Variants in PTCHD1 observed in about 807,000 individuals in gnomAD.
PTCHD1 encodes the protein patched domain containing 1.
Under a neutral mutation model 34.6 loss-of-function variants are expected in PTCHD1, and 3 were observed. The observed-to-expected ratio is 0.09, with a 90% CI of 0.04 to 0.22. The LOEUF (loss-of-function observed/expected upper bound fraction) is 0.22, where lower values mean the gene tolerates loss of function less well. Ranked by LOEUF, PTCHD1 falls within the 10% of genes least tolerant of loss-of-function variation. The pLI, the probability that PTCHD1 is intolerant of heterozygous loss-of-function variation, is 1.00. For synonymous variants in PTCHD1, 305 were observed against 283.1 expected, an observed-to-expected ratio of 1.08 and a Z score of -0.77; for missense variants, 504 against 685.5, an observed-to-expected ratio of 0.74 and a Z score of 2.96.
intron 2 of PTCHD1, among the ~76,000 whole-genome samples, chrX:23,386,087 A>T (rs1922680795): frequency 1.8e-5 from 2 of 111,292 alleles, no homozygotes; most frequent in Admixed American, 1.9e-4. Context: ...TTTGAATAGG[A>T]TATGCCATAT....
In PTCHD1 at chrX:23,379,947, T is replaced by C. The variant is rs1183406861; in HGVS notation, c.708T>C (p.Thr236=). The change falls in exon 2 of 3, where the codon ACT becomes ACC. Residue 236 remains threonine, a synonymous_variant. Transcript: ENST00000379361. ...AERWESSFCD[T]VRLFQKSNSK... ...GGTGGGAGTCCAGCTTCTGCGACACTGTCAGACTGTTTCAGAAATCCAACA... is the reference window on the plus strand; with the variant it reads ...GGTGGGAGTCCAGCTTCTGCGACACCGTCAGACTGTTTCAGAAATCCAACA... The C allele has an allele frequency of 9.9e-6, 12 of 1,211,974 alleles. No homozygotes were observed. The highest frequency in any genetic ancestry group is 1.0e-5 in the Non-Finnish European group (9 of 895,516).
At chrX:23,359,116 G>A in intron 1 of PTCHD1, among the ~76,000 whole-genome samples, 1 of 112,377 alleles carries the variant, frequency 8.9e-6, no homozygotes, top group Non-Finnish European at 1.9e-5. Flanking sequence ...GCTTAGGATT[G>A]ACTTGGCAAT....
At chrX:23,339,255 A>G (rs1371877047) in intron 1 of PTCHD1, among the ~76,000 whole-genome samples, 1 of 112,545 alleles carries the variant, frequency 8.9e-6, no homozygotes, top group Non-Finnish European at 1.9e-5. Context: ...ACAGACAGTT[A>G]CTAGGATTCT....
Position 23,392,983 on chromosome X carries a change from C to T in PTCHD1, c.1465C>T (p.Arg489Cys). 1 of 1,210,956 alleles carries T rather than the reference C, an allele frequency of 8.3e-7. No homozygotes were observed. Among genetic ancestry groups the T allele is most frequent in the Non-Finnish European group, 1.1e-6 (1 of 894,595 alleles). ...ESHLLVCFLK[R>C]YYCDWITNTY... The stretch of plus-strand genomic sequence containing the variant: ...TCACCTATTGGTATGTTTCCTCAAA[C>T]GCTATTACTGTGACTGGATAACCAA... The change falls in exon 3 of 3, where the codon CGC (arginine) becomes TGC (cysteine). Residue 489 changes from arginine (R) to cysteine (C), a missense_variant. Transcript: ENST00000379361.
At chrX:23,354,836 G>A (rs927138165) in intron 1 of PTCHD1, among the ~76,000 whole-genome samples, 2 of 109,261 alleles carry the variant, frequency 1.8e-5, no homozygotes, top group Non-Finnish European at 3.8e-5. Context: ...CTCCCAAAGT[G>A]CTGGGATTAT....
intron 1 of PTCHD1, among the ~76,000 whole-genome samples, chrX:23,365,949 A>C (rs1340652811): frequency 8.9e-6 from 1 of 112,243 alleles, no homozygotes; most frequent in Non-Finnish European, 1.9e-5. Flanking sequence ...GAAAAGCCAC[A>C]CATCAGCTAA....
intron 2 of PTCHD1, among the ~76,000 whole-genome samples, chrX:23,391,884 T>A (rs1922837419): frequency 9.1e-6 from 1 of 110,493 alleles, no homozygotes; most frequent in Admixed American, 9.6e-5. Context: ...AGAGTCAGGG[T>A]CTTGCCCTGT....
intron 1 of PTCHD1, among the ~76,000 whole-genome samples, chrX:23,351,931 G>A (rs1370895303): frequency 1.8e-5 from 2 of 112,107 alleles, no homozygotes; most frequent in African/African-American, 3.2e-5. Context: ...GCAGAAGGTG[G>A]AAAGGACATG....
At chrX:23,368,502 T>C (rs113400079) in intron 1 of PTCHD1, among the ~76,000 whole-genome samples, 5 of 111,819 alleles carry the variant, frequency 4.5e-5, no homozygotes, top group African/African-American at 1.6e-4. Flanking sequence ...ATCTTTGTTG[T>C]GCTCCTTTTA....
intron 1 of PTCHD1, among the ~76,000 whole-genome samples, chrX:23,347,158 AG>A (rs1471983272): frequency 9.0e-6 from 1 of 111,661 alleles, no homozygotes; most frequent in African/African-American, 3.3e-5. Context: ...GAGAGTCAAC[AG>A]GGGTCAGGGA....
rs1015133280 is a variant in PTCHD1 at position 23,334,954 on chromosome X, T to G, written c.79T>G (p.Phe27Val). The G allele has an allele frequency of 1.7e-5, 20 of 1,206,427 alleles. No homozygotes were observed. The highest frequency in any genetic ancestry group is 2.2e-5 in the Non-Finnish European group (20 of 893,670). ...CCACTTCATTGCCAGTCACCCTGTC[T>G]TCTTCGCCTCGGCGCCGGTGCTCAT... The part of the protein sequence containing the change: ...LGHFIASHPV[F>V]FASAPVLISI... The change falls in exon 1 of 3, where the codon TTC (phenylalanine) becomes GTC (valine). Residue 27 changes from phenylalanine (F) to valine (V), a missense_variant. By Grantham distance (50) the Phe-to-Val change is conservative. Coordinates refer to ENST00000379361, the MANE Select transcript of PTCHD1 (RefSeq NM_173495.3).
At chrX:23,376,338 A>G (rs1174136381) in intron 1 of PTCHD1, among the ~76,000 whole-genome samples, 1 of 112,169 alleles carries the variant, frequency 8.9e-6, no homozygotes, top group African/African-American at 3.2e-5. Context: ...AGCGTCTCTT[A>G]CCTAGTTCAA....
chrX:23,366,543 G>T (rs868585147), intron 1 of PTCHD1, among the ~76,000 whole-genome samples: 3 of 111,446 alleles, frequency 2.7e-5, no homozygotes, highest in African/African-American at 9.8e-5. Flanking sequence ...CCAGTTCCAC[G>T]CCCTGAGCCA....
At chrX:23,361,860 C>T (rs1032044755) in intron 1 of PTCHD1, among the ~76,000 whole-genome samples, 1 of 111,744 alleles carries the variant, frequency 8.9e-6, no homozygotes, top group Non-Finnish European at 1.9e-5. Context: ...AACAAAATCT[C>T]TCGGCATTTG....
upstream of PTCHD1, chrX:23,334,788 G>A: frequency 6.8e-6 from 2 of 292,016 alleles, no homozygotes; most frequent in Non-Finnish European, 8.6e-6. Context: ...GGGCGCCGCT[G>A]CCGCCGCCGC....
intron 2 of PTCHD1, among the ~76,000 whole-genome samples, chrX:23,386,875 C>A (rs1436181918): frequency 8.9e-6 from 1 of 112,568 alleles, no homozygotes; most frequent in African/African-American, 3.2e-5. Context: ...CATCAATCAG[C>A]AAGCCATCCC....
chrX:23,388,726 G>C (rs933232212), intron 2 of PTCHD1, among the ~76,000 whole-genome samples: 2 of 112,044 alleles, frequency 1.8e-5, no homozygotes, highest in African/African-American at 6.5e-5. Flanking sequence ...AGCTACCCAG[G>C]AGGCTGAGGC....
In PTCHD1 at chrX:23,394,409, G is replaced by C. The variant is rs769642538; in HGVS notation, c.*224G>C. ...TGTTATGAGAATTCACACACACATA[G>C]ACACACACACACACACACACACACA... On this transcript the variant is annotated 3_prime_UTR_variant, in exon 3 of 3. Transcript: ENST00000379361. 339 of 200,193 alleles carry C rather than the reference G, an allele frequency of 1.7e-3. 3 individuals carry two copies. The highest frequency in any genetic ancestry group is 8.7e-3 in the African/African-American group (238 of 27,351). 16.5% of individuals were successfully genotyped at this position (200,193 alleles called of 1,213,427 possible). A position where few individuals can be genotyped will look rare whatever the true frequency, so the allele number is the denominator to read the frequency against.
At chrX:23,342,266 CTATATATATATA>C (rs1194698667) in intron 1 of PTCHD1, among the ~76,000 whole-genome samples, 77 of 31,199 alleles carry the variant, frequency 2.5e-3, no homozygotes, top group East Asian at 0.024. Flanking sequence ...GTGTTTCTCC[CTATATATATATA>C]TATATATATA....
Sources: allele counts gnomAD v4.1 joint callset (sites outside exome capture counted in the v4.1 genomes callset), GRCh38; gene constraint gnomAD v4.1.1; transcripts MANE v1.5; gene names NCBI Gene and HGNC (gene_info 2026-07-23, HGNC 2026-07-21).